The following ARL15 variants were observed in gnomAD, a reference collection of about 807,000 sequenced individuals.
ARL15 encodes the protein ARF like GTPase 15, also known as ADP-ribosylation factor-like protein 15.
ARL15 carries 19 observed loss-of-function variants against 25.2 expected under a neutral mutation model. The ratio of observed to expected loss-of-function variants is 0.75; its 90% CI spans 0.53 to 1.10. The LOEUF (loss-of-function observed/expected upper bound fraction) is 1.10, where lower values mean the gene tolerates loss of function less well. ARL15 is among the 50% of genes least tolerant of loss of function. The pLI, the probability that ARL15 is intolerant of heterozygous loss-of-function variation, is 0.00. For synonymous variants in ARL15, 94 were observed against 86.8 expected, an observed-to-expected ratio of 1.08 and a Z score of -0.46; for missense variants, 220 against 246.0, an observed-to-expected ratio of 0.89 and a Z score of 0.71.
chr5:54,292,146 T>C (rs557598728), intron 1 of ARL15, among the ~76,000 whole-genome samples: 2 of 152,282 alleles, frequency 1.3e-5, no homozygotes, highest in South Asian at 2.1e-4. Flanking sequence ...TTTCAAGGGA[T>C]ACCACTTTTT....
chr5:54,254,634 G>A (rs1757320435), intron 1 of ARL15, among the ~76,000 whole-genome samples: 1 of 152,156 alleles, frequency 6.6e-6, no homozygotes, highest in Admixed American at 6.5e-5. Flanking sequence ...CTAGCACCTA[G>A]CCTGGTGCCT....
chr5:54,007,557 A>G (rs1749084530), intron 4 of ARL15, among the ~76,000 whole-genome samples: 1 of 152,138 alleles, frequency 6.6e-6, no homozygotes, highest in South Asian at 2.1e-4. Context: ...CTGTAATCCT[A>G]GCACTTCAGG....
In ARL15 at chr5:54,078,962, A is replaced by G. The variant is rs551669659; in HGVS notation, c.462+34240T>C. 1.4e-3 allele frequency among the ~76,000 whole-genome samples: 219 copies of G among 152,280 alleles called. 5 individuals are homozygous for G. Among genetic ancestry groups the G allele is most frequent in the Admixed American group, 0.014 (216 of 15,288 alleles). On this transcript the variant is annotated intron_variant, in intron 4 of 4. Coordinates refer to ENST00000504924, the MANE Select transcript of ARL15 (RefSeq NM_019087.3). ...ATTATTTAAATGAATTACTATCAAT[A>G]CCTTATTTAATTCAAAAGAATTCAG... is the stretch of plus-strand genomic sequence containing the variant.
At chr5:53,970,299 G>A (rs965929637) in intron 4 of ARL15, among the ~76,000 whole-genome samples, 4 of 152,096 alleles carry the variant, frequency 2.6e-5, no homozygotes, top group Non-Finnish European at 5.9e-5. Flanking sequence ...CTGGTCTTCC[G>A]GTTGTGCCAA....
At chr5:54,215,653 A>G (rs1488376530) in intron 1 of ARL15, among the ~76,000 whole-genome samples, 4 of 151,974 alleles carry the variant, frequency 2.6e-5, no homozygotes, top group African/African-American at 9.7e-5. Context: ...TGAATATTTA[A>G]TGAGCTTGGG....
Position 53,979,982 on chromosome 5 carries a change from G to C in ARL15, c.463-93269C>G, listed in dbSNP as rs140344347. ...GGCCTCCCAAAGTGCTGGGATTACA[G>C]GCGTGAGCCACTGAACCTGGCCTAA... On this transcript the variant is annotated intron_variant, in intron 4 of 4. Transcript: ENST00000504924. Among the ~76,000 whole-genome samples, 1,480 of 152,216 alleles carry C rather than the reference G, an allele frequency of 9.7e-3. 26 individuals carry two copies. Among genetic ancestry groups the C allele is most frequent in the African/African-American group, 0.034 (1,418 of 41,526 alleles).
intron 4 of ARL15, among the ~76,000 whole-genome samples, chr5:53,966,659 T>C (rs1312360580): frequency 2.0e-5 from 3 of 152,166 alleles, no homozygotes; most frequent in East Asian, 3.9e-4. Flanking sequence ...CACTTGGTGG[T>C]GGAAAGCAAC....
intron 1 of ARL15, among the ~76,000 whole-genome samples, chr5:54,263,486 CAG>C (rs1386668365): frequency 2.6e-5 from 4 of 152,090 alleles, no homozygotes. Context: ...ATTTTAATCA[CAG>C]AGTGTAAAAT....
chr5:54,235,390 T>TA (rs1756773751), intron 1 of ARL15, among the ~76,000 whole-genome samples: 1 of 152,124 alleles, frequency 6.6e-6, no homozygotes, highest in African/African-American at 2.4e-5. Flanking sequence ...CTAAAAAATG[T>TA]AGTCACAGAA....
intron 4 of ARL15, among the ~76,000 whole-genome samples, chr5:54,089,446 T>C (rs1279815324): frequency 6.6e-6 from 1 of 152,178 alleles, no homozygotes; most frequent in Non-Finnish European, 1.5e-5. Flanking sequence ...TCCCCATAAT[T>C]ATGGAAAAGC....
chr5:54,150,888 T>C (rs1367104059), intron 3 of ARL15, among the ~76,000 whole-genome samples: 1 of 149,222 alleles, frequency 6.7e-6, no homozygotes. Context: ...TGTGAAGACT[T>C]CAAATCATGC....
chr5:54,077,949 G>T (rs1751666031), intron 4 of ARL15, among the ~76,000 whole-genome samples: 1 of 152,050 alleles, frequency 6.6e-6, no homozygotes, highest in African/African-American at 2.4e-5. Flanking sequence ...AAGCGTTATG[G>T]GAAAGATGTG....
At chr5:54,235,929 A>AACCCATT in intron 1 of ARL15, among the ~76,000 whole-genome samples, 1 of 152,228 alleles carries the variant, frequency 6.6e-6, no homozygotes, top group African/African-American at 2.4e-5. Context: ...AATTACAGTT[A>AACCCATT]TAATTAATTC....
intron 4 of ARL15, among the ~76,000 whole-genome samples, chr5:54,040,152 T>C (rs1750291602): frequency 6.6e-6 from 1 of 152,220 alleles, no homozygotes. Flanking sequence ...TTACATTTCG[T>C]CATGCATTAA....
intron 1 of ARL15, among the ~76,000 whole-genome samples, chr5:54,207,790 T>C (rs1021511679): frequency 2.6e-5 from 4 of 152,132 alleles, no homozygotes; most frequent in Non-Finnish European, 2.9e-5. Flanking sequence ...TAAATGGGCA[T>C]GAAGGAGGGA....
intron 1 of ARL15, among the ~76,000 whole-genome samples, chr5:54,238,595 T>C (rs967066262): frequency 5.9e-5 from 9 of 152,192 alleles, no homozygotes; most frequent in African/African-American, 2.2e-4. Context: ...TAAGTTTATA[T>C]TCTTCAGCAG....
At chr5:53,936,729 T>G (rs548032176) in intron 4 of ARL15, among the ~76,000 whole-genome samples, 6 of 152,322 alleles carry the variant, frequency 3.9e-5, no homozygotes, top group African/African-American at 9.6e-5. Flanking sequence ...GTTTTCTCAT[T>G]TTTTTGCATG....
intron 4 of ARL15, among the ~76,000 whole-genome samples, chr5:54,058,112 T>C (rs925452107): frequency 2.0e-5 from 3 of 151,930 alleles, no homozygotes; most frequent in Non-Finnish European, 4.4e-5. Flanking sequence ...TTCAAGTGAT[T>C]CCCCTGCCTC....
At chr5:53,900,370 A>C (rs1267633722) in intron 4 of ARL15, among the ~76,000 whole-genome samples, 1 of 152,218 alleles carries the variant, frequency 6.6e-6, no homozygotes, top group Non-Finnish European at 1.5e-5. Context: ...TGCTTATAAC[A>C]GGCATTATAA....
Sources: allele counts gnomAD v4.1 joint callset (sites outside exome capture counted in the v4.1 genomes callset), GRCh38; gene constraint gnomAD v4.1.1; transcripts MANE v1.5; gene names NCBI Gene and HGNC (gene_info 2026-07-23, HGNC 2026-07-21).